Variants in PARD3B observed in about 807,000 individuals in gnomAD.
PARD3B encodes par-3 family cell polarity regulator beta, also known as partitioning defective 3 homolog B.
In PARD3B, 103 loss-of-function variants were observed where a neutral mutation model predicts 130.2. That is an observed-to-expected ratio of 0.79 (90% CI 0.67 to 0.93). PARD3B has a LOEUF of 0.93. Ranked by LOEUF, PARD3B falls within the 40% of genes least tolerant of loss-of-function variation. The pLI, the probability that PARD3B is intolerant of heterozygous loss-of-function variation, is 0.00. For synonymous variants in PARD3B, 583 were observed against 553.2 expected (o/e 1.05, Z -0.76); for missense variants, 1,609 against 1,499.2 (o/e 1.07, Z -1.21).
intron 2 of PARD3B, among the ~76,000 whole-genome samples, chr2:204,754,536 T>G (rs2040588712): frequency 6.6e-6 from 1 of 152,182 alleles, no homozygotes. Context: ...CAATAAATTA[T>G]TAAATGTAAA....
intron 1 of PARD3B, among the ~76,000 whole-genome samples, chr2:204,647,489 T>C (rs542587254): frequency 6.6e-6 from 1 of 151,858 alleles, no homozygotes; most frequent in Non-Finnish European, 1.5e-5. Flanking sequence ...TGACATTTCA[T>C]TATTTCTAAT....
At chr2:205,455,372 A>G (rs1209652515) in intron 20 of PARD3B, among the ~76,000 whole-genome samples, 1 of 152,126 alleles carries the variant, frequency 6.6e-6, no homozygotes, top group Non-Finnish European at 1.5e-5. Context: ...GTAAACAGAA[A>G]AACAGCAGCT....
intron 2 of PARD3B, among the ~76,000 whole-genome samples, chr2:204,815,782 A>C (rs929843025): frequency 3.9e-5 from 6 of 152,032 alleles, no homozygotes; most frequent in Non-Finnish European, 7.4e-5. Flanking sequence ...ACCCTGAATT[A>C]TTCAGAAGTG....
intron 20 of PARD3B, among the ~76,000 whole-genome samples, chr2:205,455,949 T>C (rs766853895): frequency 2.6e-5 from 4 of 152,094 alleles, no homozygotes; most frequent in Non-Finnish European, 5.9e-5. Flanking sequence ...GTCACACATC[T>C]TTCCCCATCC....
chr2:205,254,956 GC>G (rs1214734089), intron 16 of PARD3B, among the ~76,000 whole-genome samples: 4 of 151,900 alleles, frequency 2.6e-5, no homozygotes, highest in Non-Finnish European at 5.9e-5. Context: ...GAGCCACCGC[GC>G]CCGGCCGAAG....
chr2:204,947,707 TC>T (rs1257163569), intron 2 of PARD3B, among the ~76,000 whole-genome samples: 1 of 152,182 alleles, frequency 6.6e-6, no homozygotes, highest in African/African-American at 2.4e-5. Context: ...GTCTGAAGAT[TC>T]TTTCCATGCA....
Position 205,473,503 on chromosome 2 carries a change from T to G in PARD3B, c.3045-26393T>G, listed in dbSNP as rs1255757925. 6.6e-6 allele frequency among the ~76,000 whole-genome samples: 1 copy of G among 151,872 alleles called. No homozygotes were observed. Among genetic ancestry groups the G allele is most frequent in the Non-Finnish European group, 1.5e-5 (1 of 67,916 alleles). Reference sequence around the variant, plus strand: ...CAAATTGTTTATACACTGCTGGTTTTCTGCTGCCTGACAGTAGGGCACGTT... The same window carrying G: ...CAAATTGTTTATACACTGCTGGTTTGCTGCTGCCTGACAGTAGGGCACGTT... On this transcript the variant is annotated intron_variant, in intron 20 of 22. Transcript: ENST00000406610. The surrounding 1 kb of genome is among the most constrained non-coding windows in gnomAD (Gnocchi z 4.9).
intron 21 of PARD3B, among the ~76,000 whole-genome samples, chr2:205,505,691 G>T (rs1489002677): frequency 1.3e-5 from 2 of 152,156 alleles, no homozygotes; most frequent in Non-Finnish European, 2.9e-5. Context: ...ACTTAAGATA[G>T]TCCTCTGACA....
chr2:205,213,911 A>C (rs902404223), intron 15 of PARD3B, among the ~76,000 whole-genome samples: 1 of 152,138 alleles, frequency 6.6e-6, no homozygotes, highest in Non-Finnish European at 1.5e-5. Context: ...AATTGGAGGA[A>C]TCTATGAATA....
intron 11 of PARD3B, among the ~76,000 whole-genome samples, chr2:205,169,931 C>CT (rs35332758): frequency 0.37 from 52,228 of 141,656 alleles, 9,951 homozygotes; most frequent in East Asian, 0.4. Flanking sequence ...TCCCCCCACC[C>CT]TTTTTTTTTT....
intron 10 of PARD3B, among the ~76,000 whole-genome samples, chr2:205,141,091 G>A (rs1039811817): frequency 6.6e-6 from 1 of 152,132 alleles, no homozygotes; most frequent in African/African-American, 2.4e-5. Context: ...TCTTTTAACA[G>A]TCATTAGCAT....
chr2:204,598,659 T>G (rs558164978), intron 1 of PARD3B, among the ~76,000 whole-genome samples: 1 of 152,254 alleles, frequency 6.6e-6, no homozygotes, highest in South Asian at 2.1e-4. Flanking sequence ...TTATATTGCA[T>G]GCATATATCA....
rs113189655 is a variant in PARD3B, at chr2:204,678,164, CT to C, written c.121-8015del. Reference sequence around the variant, plus strand: ...CTCCTTTGCAGCCGAGCTCAAACCGCTTGTGGGAGGGGGAGCACGCAGGTGA... The same window carrying C: ...CTCCTTTGCAGCCGAGCTCAAACCGCTGTGGGAGGGGGAGCACGCAGGTGA... On this transcript the variant is annotated intron_variant, in intron 1 of 22. Coordinates refer to ENST00000406610, the MANE Select transcript of PARD3B (RefSeq NM_001302769.2). The surrounding 1 kb of genome is among the most constrained non-coding windows in gnomAD (Gnocchi z 4.2). Among the ~76,000 whole-genome samples the C allele has an allele frequency of 2.7e-3, 418 of 152,238 alleles. 1 individual carries two copies. Among genetic ancestry groups the C allele is most frequent in the African/African-American group, 9.3e-3 (386 of 41,542 alleles).
intron 1 of PARD3B, among the ~76,000 whole-genome samples, chr2:204,640,956 A>G (rs1164987129): frequency 1.4e-5 from 2 of 147,936 alleles, no homozygotes; most frequent in Non-Finnish European, 3.0e-5. Context: ...TAATATATTT[A>G]CTGTATATAT....
At chr2:204,902,034 C>T (rs371471435) in intron 2 of PARD3B, among the ~76,000 whole-genome samples, 11 of 152,228 alleles carry the variant, frequency 7.2e-5, no homozygotes, top group Admixed American at 2.0e-4. Context: ...AGGAACCTCC[C>T]GGAGCTGCAC....
At chr2:204,597,229 T>G (rs766438730) in intron 1 of PARD3B, among the ~76,000 whole-genome samples, 32 of 151,950 alleles carry the variant, frequency 2.1e-4, no homozygotes, top group Non-Finnish European at 3.4e-4. Context: ...AATGGATGAA[T>G]TTTTCTTATG....
At chr2:204,646,085 T>A (rs920558199) in intron 1 of PARD3B, among the ~76,000 whole-genome samples, 6 of 152,120 alleles carry the variant, frequency 3.9e-5, no homozygotes, top group Admixed American at 6.5e-5. Context: ...TTCTTTCAAT[T>A]AAACACATTT....
chr2:205,396,469 T>A (rs1337268651), intron 18 of PARD3B, among the ~76,000 whole-genome samples: 1 of 152,212 alleles, frequency 6.6e-6, no homozygotes, highest in Admixed American at 6.5e-5. Flanking sequence ...CTGTTTCATA[T>A]GACCTCTATA....
At chr2:205,020,838 A>G (rs989562552) in intron 3 of PARD3B, among the ~76,000 whole-genome samples, 4 of 152,044 alleles carry the variant, frequency 2.6e-5, no homozygotes, top group African/African-American at 9.7e-5. Flanking sequence ...TAAGCTCTCA[A>G]TGTGAAATCA....
Sources: allele counts gnomAD v4.1 joint callset (sites outside exome capture counted in the v4.1 genomes callset), GRCh38; gene constraint gnomAD v4.1.1; non-coding constraint Gnocchi (gnomAD v3.1); transcripts MANE v1.5; gene names NCBI Gene and HGNC (gene_info 2026-07-23, HGNC 2026-07-21).